Variants in BBX observed in about 807,000 individuals in gnomAD.
The protein encoded by BBX is BBX high mobility group box domain containing.
In BBX, 30 loss-of-function variants were observed where a neutral mutation model predicts 100.2. That is an observed-to-expected ratio of 0.30 (90% CI 0.22 to 0.41). The LOEUF (loss-of-function observed/expected upper bound fraction) is 0.41. Among genes scored for constraint, BBX ranks in the 10% least tolerant of loss-of-function variants. BBX has a pLI of 1.00. For missense variants in BBX, 1,023 were observed against 1,129.8 expected, an observed-to-expected ratio of 0.91 and a Z score of 1.35; for synonymous variants, 376 against 388.1, an observed-to-expected ratio of 0.97 and a Z score of 0.37.
In BBX at chr3:107,665,560, C is replaced by A. The variant is rs111537361; in HGVS notation, c.-10+19651C>A. ...CCAGTGATTGTCTCTCATAACCAAGCAAGTGGGGGCATACATTGAACTTCT... is the reference window on the plus strand; with the variant it reads ...CCAGTGATTGTCTCTCATAACCAAGAAAGTGGGGGCATACATTGAACTTCT... On this transcript the variant is annotated intron_variant, in intron 3 of 17. Coordinates refer to ENST00000325805, the MANE Select transcript of BBX (RefSeq NM_001142568.3). Among the ~76,000 whole-genome samples, 9 of 152,232 alleles carry A rather than the reference C, an allele frequency of 5.9e-5. 2 individuals carry two copies. Among genetic ancestry groups the A allele is most frequent in the African/African-American group, 1.9e-4 (8 of 41,554 alleles).
In BBX at chr3:107,544,770, C is replaced by T. The variant is rs572956663; in HGVS notation, c.-84+18372C>T. The stretch of plus-strand genomic sequence containing the variant: ...TCTGTAGTCCCAGCACTTTGGGCGG[C>T]CAAGGCGGGCGGATCACGAGGTCAG... On this transcript the variant is annotated intron_variant, in intron 2 of 17. Coordinates refer to ENST00000325805, the MANE Select transcript of BBX (RefSeq NM_001142568.3). Among the ~76,000 whole-genome samples, 5 of 150,712 alleles carry T rather than the reference C, an allele frequency of 3.3e-5. No homozygotes were observed. In the South Asian group the frequency reaches 1.0e-3, roughly 32 times the overall value.
intron 8 of BBX, among the ~76,000 whole-genome samples, chr3:107,745,054 C>A (rs2064456401): frequency 6.6e-6 from 1 of 152,146 alleles, no homozygotes; most frequent in Non-Finnish European, 1.5e-5. Flanking sequence ...AAGACAAAAT[C>A]AGCTCATGGT....
intron 13 of BBX, among the ~76,000 whole-genome samples, chr3:107,788,179 A>C (rs745707303): frequency 9.2e-5 from 14 of 152,130 alleles, no homozygotes; most frequent in Non-Finnish European, 1.6e-4. Context: ...CAGATGAGTG[A>C]GAATAGAGAC....
intron 2 of BBX, among the ~76,000 whole-genome samples, chr3:107,620,933 AGT>A (rs144626991): frequency 0.23 from 25,962 of 115,228 alleles, 2,516 homozygotes; most frequent in African/African-American, 0.31. Context: ...ATTTCTGCGG[AGT>A]GTGTGTGTGG....
intron 4 of BBX, among the ~76,000 whole-genome samples, chr3:107,711,564 C>T (rs1307826449): frequency 1.3e-5 from 2 of 152,202 alleles, no homozygotes; most frequent in East Asian, 1.9e-4. Context: ...GTCTCTCTTA[C>T]TAATGACCTT....
chr3:107,697,777 C>T (rs906829223), intron 3 of BBX, among the ~76,000 whole-genome samples: 9 of 151,552 alleles, frequency 5.9e-5, no homozygotes, highest in African/African-American at 9.8e-5. Flanking sequence ...TGGGCAATGG[C>T]GGGCGCCCCT....
intron 3 of BBX, among the ~76,000 whole-genome samples, chr3:107,661,600 C>T (rs1008684950): frequency 5.9e-5 from 9 of 152,088 alleles, no homozygotes; most frequent in African/African-American, 2.2e-4. Flanking sequence ...ATGAGAGCAC[C>T]TATTACATGA....
chr3:107,680,566 G>C (rs916391560), intron 3 of BBX, among the ~76,000 whole-genome samples: 5 of 152,106 alleles, frequency 3.3e-5, no homozygotes, highest in Non-Finnish European at 7.4e-5. Context: ...AAGAGGCTGA[G>C]TTTTCTGTCA....
intron 2 of BBX, among the ~76,000 whole-genome samples, chr3:107,605,060 C>G (rs1388470505): frequency 1.3e-5 from 2 of 152,144 alleles, no homozygotes; most frequent in Admixed American, 6.5e-5. Context: ...CGGTGAGATG[C>G]CTTTTCACAA....
At chr3:107,523,931 T>G (rs1279591485) in intron 1 of BBX, among the ~76,000 whole-genome samples, 2 of 130,180 alleles carry the variant, frequency 1.5e-5, no homozygotes, top group Non-Finnish European at 3.2e-5. Flanking sequence ...GGAGGAAGAA[T>G]AGGGGGAGAG....
intron 3 of BBX, among the ~76,000 whole-genome samples, chr3:107,664,156 G>A (rs1158450514): frequency 6.6e-6 from 1 of 152,080 alleles, no homozygotes; most frequent in African/African-American, 2.4e-5. Context: ...AAATAAAGCA[G>A]CAGAGGAAAA....
chr3:107,674,295 G>A (rs1177093728), intron 3 of BBX, among the ~76,000 whole-genome samples: 1 of 152,152 alleles, frequency 6.6e-6, no homozygotes, highest in Non-Finnish European at 1.5e-5. Flanking sequence ...AGAAAGGTGT[G>A]TCTGAAAGTT....
chr3:107,532,623 G>A (rs1347711163), intron 2 of BBX, among the ~76,000 whole-genome samples: 2 of 152,184 alleles, frequency 1.3e-5, no homozygotes, highest in Non-Finnish European at 2.9e-5. Flanking sequence ...TCAAAACAAT[G>A]TGAAAACCAA....
rs1020642623 is a variant in BBX, at chr3:107,806,152, A to G, written c.*695A>G. 1 of 151,452 alleles carries G rather than the reference A, an allele frequency of 6.6e-6. No homozygotes were observed. The highest frequency in any genetic ancestry group is 2.4e-5 in the African/African-American group (1 of 41,232). The allele number at this position is 151,452 out of a possible 1,614,324, so 9.4% of individuals were successfully genotyped here. ...AAAAAGAGAGAGAGAAAAAATTACAACTCTTACAATCTGAATTTTTTTCTT... is the reference window on the plus strand; with the variant it reads ...AAAAAGAGAGAGAGAAAAAATTACAGCTCTTACAATCTGAATTTTTTTCTT... On this transcript the variant is annotated 3_prime_UTR_variant, in exon 18 of 18. Transcript: ENST00000325805.
chr3:107,535,248 T>G (rs2048409519), intron 2 of BBX, among the ~76,000 whole-genome samples: 1 of 152,164 alleles, frequency 6.6e-6, no homozygotes, highest in South Asian at 2.1e-4. Context: ...TCCCCAATTT[T>G]TTTTTTCTCC....
chr3:107,790,962 G>C (rs187201924), intron 14 of BBX, among the ~76,000 whole-genome samples: 2 of 151,848 alleles, frequency 1.3e-5, no homozygotes, highest in African/African-American at 4.8e-5. Flanking sequence ...TTTTCATTCC[G>C]TTTTACTGAT....
chr3:107,781,028 T>G (rs2067829490), intron 13 of BBX, among the ~76,000 whole-genome samples: 1 of 152,088 alleles, frequency 6.6e-6, no homozygotes, highest in Non-Finnish European at 1.5e-5. Context: ...TCATTATATT[T>G]TCCTTCATGA....
chr3:107,614,330 A>T (rs1266718333), intron 2 of BBX, among the ~76,000 whole-genome samples: 1 of 152,226 alleles, frequency 6.6e-6, no homozygotes, highest in Non-Finnish European at 1.5e-5. Flanking sequence ...ACCAGTATTC[A>T]TAAGAAGTAA....
chr3:107,562,183 T>G (rs529094025), intron 2 of BBX, among the ~76,000 whole-genome samples: 1 of 152,324 alleles, frequency 6.6e-6, no homozygotes, highest in African/African-American at 2.4e-5. Context: ...TGTGTTTATT[T>G]CAATGCGATT....
Sources: allele counts gnomAD v4.1 joint callset (sites outside exome capture counted in the v4.1 genomes callset), GRCh38; gene constraint gnomAD v4.1.1; transcripts MANE v1.5; gene names NCBI Gene and HGNC (gene_info 2026-07-23, HGNC 2026-07-21).